LRRC7: variants seen among roughly 807,000 people sequenced by gnomAD.
LRRC7 encodes the protein leucine-rich repeat-containing protein 7.
LRRC7 carries 23 observed loss-of-function variants against 175.7 expected under a neutral mutation model. The ratio of observed to expected loss-of-function variants is 0.13; its 90% CI spans 0.09 to 0.19. The LOEUF is 0.19. LRRC7 is among the 10% of genes least tolerant of loss of function. The probability of loss-of-function intolerance (pLI) is 1.00; values close to 1 mark genes in which losing one functional copy is unlikely to be tolerated. For missense variants in LRRC7, 1,354 were observed against 1,904.7 expected (o/e 0.71, Z 5.38); for synonymous variants, 685 against 680.9 (o/e 1.01, Z -0.09).
intron 1 of LRRC7, among the ~76,000 whole-genome samples, chr1:69,574,718 C>T (rs1015661308): frequency 1.2e-4 from 18 of 152,084 alleles, no homozygotes; most frequent in Admixed American, 1.2e-3. Flanking sequence ...CAGTTCTTAC[C>T]ACCAGTAGGC....
intron 22 of LRRC7, among the ~76,000 whole-genome samples, chr1:70,048,273 T>G (rs1227478205): frequency 6.6e-6 from 1 of 152,078 alleles, no homozygotes; most frequent in Non-Finnish European, 1.5e-5. Context: ...ATGTACCTGG[T>G]GCTATGAGGT....
At chr1:69,799,103 T>C (rs1379604566) in intron 4 of LRRC7, among the ~76,000 whole-genome samples, 1 of 23,254 alleles carries the variant, frequency 4.3e-5, no homozygotes, top group Non-Finnish European at 7.6e-5. Flanking sequence ...TGAATGCTAG[T>C]TTTTTTTTTT....
intron 11 of LRRC7, among the ~76,000 whole-genome samples, chr1:70,010,662 G>A (rs1211913894): frequency 6.6e-6 from 1 of 152,150 alleles, no homozygotes; most frequent in African/African-American, 2.4e-5. Flanking sequence ...ACCCCTGGGG[G>A]TTCCTTCCTA....
At chr1:69,849,469 T>A (rs998800303) in intron 7 of LRRC7, among the ~76,000 whole-genome samples, 4 of 152,038 alleles carry the variant, frequency 2.6e-5, no homozygotes, top group Admixed American at 2.6e-4. Context: ...GCATTTCTTA[T>A]ACTAAATATA....
chr1:69,961,774 C>T (rs536701086), intron 8 of LRRC7, among the ~76,000 whole-genome samples: 4 of 152,146 alleles, frequency 2.6e-5, no homozygotes, highest in African/African-American at 9.7e-5. Flanking sequence ...GGATAACTGG[C>T]TAGCCATATG....
At chr1:69,767,700 G>A (rs1671775550) in intron 3 of LRRC7, among the ~76,000 whole-genome samples, 1 of 152,096 alleles carries the variant, frequency 6.6e-6, no homozygotes, top group Admixed American at 6.6e-5. Context: ...AGCCTCAAGT[G>A]ATCCTACTGC....
chr1:69,753,292 G>GTA (rs764452713), intron 2 of LRRC7, among the ~76,000 whole-genome samples: 2 of 123,916 alleles, frequency 1.6e-5, no homozygotes, highest in Non-Finnish European at 3.3e-5. Flanking sequence ...TCGTGTGTGT[G>GTA]TGTATGTGTG....
intron 26 of LRRC7, among the ~76,000 whole-genome samples, chr1:70,113,636 TA>T (rs1310573632): frequency 7.2e-5 from 11 of 152,144 alleles, no homozygotes; most frequent in Non-Finnish European, 1.3e-4. Context: ...AAGCAGATTG[TA>T]CTTCTAAAAT....
intron 1 of LRRC7, among the ~76,000 whole-genome samples, chr1:69,597,755 C>T (rs540285144): frequency 1.1e-4 from 17 of 152,294 alleles, no homozygotes; most frequent in Non-Finnish European, 2.2e-4. Flanking sequence ...TCTAGATAGA[C>T]ATCTATTTCA....
chr1:69,626,513 A>G (rs1651575464), intron 1 of LRRC7, among the ~76,000 whole-genome samples: 1 of 151,966 alleles, frequency 6.6e-6, no homozygotes, highest in Admixed American at 6.6e-5. Context: ...TTCCTCCAGA[A>G]GTTTCACTTT....
rs183063062 is a variant in LRRC7, at chr1:70,094,708, T to C, written c.4545+4889T>C. Among the ~76,000 whole-genome samples the C allele has an allele frequency of 1.3e-3, 198 of 152,238 alleles. 1 individual carries two copies. The highest frequency in any genetic ancestry group is 3.1e-4 in the Non-Finnish European group (21 of 68,010). On this transcript the variant is annotated intron_variant, in intron 25 of 26. Transcript: ENST00000651989. ...AGAAGGACCCTTAGACATGCAGAAT[T>C]GAAGCTTTTATTTAATACTTTTATC... is the stretch of plus-strand genomic sequence containing the variant.
At chr1:70,043,221 TTAGA>T (rs1160250364) in intron 21 of LRRC7, among the ~76,000 whole-genome samples, 4 of 152,198 alleles carry the variant, frequency 2.6e-5, no homozygotes, top group African/African-American at 9.6e-5. Context: ...TTTGTATATA[TTAGA>T]TAATTAGCAT....
At chr1:69,574,480 A>C (rs1645865304) in intron 1 of LRRC7, among the ~76,000 whole-genome samples, 2 of 152,164 alleles carry the variant, frequency 1.3e-5, no homozygotes, top group Non-Finnish European at 2.9e-5. Context: ...TTTATTCAAT[A>C]CTGGAAGGAA....
At chr1:69,598,960 T>G in intron 1 of LRRC7, among the ~76,000 whole-genome samples, 1 of 152,224 alleles carries the variant, frequency 6.6e-6, no homozygotes, top group East Asian at 1.9e-4. Context: ...TTCATATATT[T>G]TGTTCATACA....
At chr1:69,599,229 G>A (rs551421113) in intron 1 of LRRC7, among the ~76,000 whole-genome samples, 5 of 152,178 alleles carry the variant, frequency 3.3e-5, no homozygotes, top group Admixed American at 3.3e-4. Context: ...CCATTTCTTT[G>A]TGGTACATGT....
intron 7 of LRRC7, among the ~76,000 whole-genome samples, chr1:69,867,533 A>G (rs1263421012): frequency 6.6e-6 from 1 of 152,194 alleles, no homozygotes; most frequent in African/African-American, 2.4e-5. Context: ...ACAGTTATGA[A>G]GCAAATCTGA....
chr1:69,916,109 T>TATATATATTATATACATATTTTGTATATA (rs1553174035), intron 7 of LRRC7, among the ~76,000 whole-genome samples: 3 of 20,222 alleles, frequency 1.5e-4, no homozygotes, highest in African/African-American at 3.8e-4. Flanking sequence ...TTATATATAA[T>TATATATATTATATACATATTTTGTATATA]ATATATATTA....
chr1:69,843,771 C>T (rs1287097164), intron 7 of LRRC7, among the ~76,000 whole-genome samples: 2 of 152,022 alleles, frequency 1.3e-5, no homozygotes, highest in African/African-American at 4.8e-5. Flanking sequence ...CAGAGCTACA[C>T]CGACAGCTGC....
intron 24 of LRRC7, among the ~76,000 whole-genome samples, chr1:70,087,913 G>A (rs1426535185): frequency 2.0e-5 from 3 of 152,098 alleles, no homozygotes; most frequent in Non-Finnish European, 4.4e-5. Flanking sequence ...ATTGATCCAG[G>A]TTCTAGTGAC....
Sources: allele counts gnomAD v4.1 joint callset (sites outside exome capture counted in the v4.1 genomes callset), GRCh38; gene constraint gnomAD v4.1.1; transcripts MANE v1.5; gene names NCBI Gene and HGNC (gene_info 2026-07-23, HGNC 2026-07-21).